NTRK2: variants seen among roughly 807,000 people sequenced by gnomAD.
The protein encoded by NTRK2 is neurotrophic receptor tyrosine kinase 2.
Under a neutral mutation model 94.5 loss-of-function variants are expected in NTRK2, and 13 were observed. The ratio of observed to expected loss-of-function variants is 0.14; its 90% confidence interval spans 0.09 to 0.22. The LOEUF (loss-of-function observed/expected upper bound fraction) is 0.22, where lower values mean the gene tolerates loss of function less well. NTRK2 is among the 10% of genes least tolerant of loss of function. NTRK2 has a pLI of 1.00. For missense variants in NTRK2, 639 were observed against 1,071.2 expected (o/e 0.60, Z 5.63); for synonymous variants, 372 against 407.4 (o/e 0.91, Z 1.05).
At chr9:84,748,923 G>T (rs1238882030) in intron 11 of NTRK2, among the ~76,000 whole-genome samples, 1 of 152,112 alleles carries the variant, frequency 6.6e-6, no homozygotes, top group African/African-American at 2.4e-5. Context: ...TTGTATATAG[G>T]CTGCAGAGAC....
intron 12 of NTRK2, among the ~76,000 whole-genome samples, chr9:84,833,825 T>A (rs774699232): frequency 1.3e-5 from 2 of 152,156 alleles, no homozygotes; most frequent in Admixed American, 6.6e-5. Flanking sequence ...GAGCACTTTT[T>A]AAAAACCCAG....
rs199779947 is a variant in NTRK2 at position 84,752,094 on chromosome 9, G to C, written c.1396+9G>C. 6.2e-7 allele frequency: 1 copy of C among 1,608,320 alleles called. No individual in the cohort carries two copies. Among genetic ancestry groups the C allele is most frequent in the African/African-American group, 1.3e-5 (1 of 74,898 alleles). On this transcript the variant is annotated intron_variant, in intron 12 of 18. Coordinates refer to ENST00000277120, the MANE Select transcript of NTRK2 (RefSeq NM_006180.6). ...CAAGTTTGGCATGAAAGGTAAGAAG[G>C]GTTGTGTTTATTTAGCTTCTTATGT...
rs145872273 is a variant in NTRK2 at position 84,813,801 on chromosome 9, G to A, written c.1397-47239G>A. The stretch of plus-strand genomic sequence containing the variant: ...ATGTCTCTTGGCCCAGTCAGGTGCT[G>A]CCAGGTTTAGATAGGAAAGTACATG... On this transcript the variant is annotated intron_variant, in intron 12 of 18. Transcript: ENST00000277120. The A allele has an allele frequency of 1.7e-5, 18 of 1,065,784 alleles. No homozygotes were observed. The African/African-American group carries it at 2.3e-4, about 14-fold the overall frequency. The allele number at this position is 1,065,784 out of a possible 1,614,324, so 66.0% of individuals were successfully genotyped here.
At chr9:85,018,229 T>C (rs759072809) in intron 17 of NTRK2, among the ~76,000 whole-genome samples, 2 of 152,084 alleles carry the variant, frequency 1.3e-5, no homozygotes, top group Non-Finnish European at 2.9e-5. Flanking sequence ...TTCTTTATGG[T>C]TTGCTCACAC....
intron 6 of NTRK2, among the ~76,000 whole-genome samples, chr9:84,713,783 T>G (rs2061547985): frequency 6.6e-6 from 1 of 152,140 alleles, no homozygotes; most frequent in African/African-American, 2.4e-5. Context: ...TTGCTCTTTC[T>G]AGGTAAACTG....
At chr9:84,677,544 T>C (rs887360971) in intron 2 of NTRK2, among the ~76,000 whole-genome samples, 1 of 152,130 alleles carries the variant, frequency 6.6e-6, no homozygotes, top group African/African-American at 2.4e-5. Flanking sequence ...ACAGCCTCAC[T>C]CTGAAGAAGG....
chr9:84,888,954 C>G (rs1039620957), intron 14 of NTRK2, among the ~76,000 whole-genome samples: 1 of 139,142 alleles, frequency 7.2e-6, no homozygotes, highest in Non-Finnish European at 1.5e-5. Context: ...CATTGGCGAA[C>G]TTTCCCCATT....
At chr9:84,949,768 G>A (rs2132906295) in intron 16 of NTRK2, among the ~76,000 whole-genome samples, 1 of 152,302 alleles carries the variant, frequency 6.6e-6, no homozygotes, top group East Asian at 1.9e-4. Context: ...ACCTGGCCCT[G>A]ATTGGGTTTT....
At chr9:84,741,589 G>A (rs1440388907) in intron 9 of NTRK2, among the ~76,000 whole-genome samples, 1 of 152,136 alleles carries the variant, frequency 6.6e-6, no homozygotes, top group Non-Finnish European at 1.5e-5. Flanking sequence ...AAGAGAAACA[G>A]TACCAAAAGA....
chr9:84,997,253 C>T (rs776025413), intron 17 of NTRK2, among the ~76,000 whole-genome samples: 7 of 152,064 alleles, frequency 4.6e-5, no homozygotes, highest in Non-Finnish European at 8.8e-5. Context: ...GGGACTGGCC[C>T]GGGGCAAAGC....
At chr9:84,810,313 A>G (rs2071627224) in intron 12 of NTRK2, among the ~76,000 whole-genome samples, 1 of 152,214 alleles carries the variant, frequency 6.6e-6, no homozygotes, top group Admixed American at 6.5e-5. Context: ...TGTACCATGT[A>G]AAATCAGTTT....
intron 12 of NTRK2, among the ~76,000 whole-genome samples, chr9:84,859,411 A>C (rs1225120207): frequency 1.1e-4 from 16 of 152,226 alleles, no homozygotes; most frequent in Admixed American, 7.9e-4. Context: ...TGTATTGAGA[A>C]CCTTCACAAT....
At chr9:84,798,000 C>G (rs1239561546) in intron 12 of NTRK2, among the ~76,000 whole-genome samples, 1 of 148,452 alleles carries the variant, frequency 6.7e-6, no homozygotes, top group East Asian at 2.0e-4. Flanking sequence ...GCCATTGGGA[C>G]TGTCTTAGTC....
chr9:84,880,214 T>C (rs925489257), intron 14 of NTRK2, among the ~76,000 whole-genome samples: 2 of 152,180 alleles, frequency 1.3e-5, no homozygotes, highest in Admixed American at 1.3e-4. Flanking sequence ...GAACTTGATA[T>C]CCAAGAAAAG....
At chr9:84,933,797 G>A (rs1329971734) in intron 14 of NTRK2, among the ~76,000 whole-genome samples, 3 of 152,182 alleles carry the variant, frequency 2.0e-5, no homozygotes, top group Non-Finnish European at 4.4e-5. Context: ...TGCCCTGCTG[G>A]ACACACTGCT....
chr9:84,806,649 C>A (rs556472244), intron 12 of NTRK2, among the ~76,000 whole-genome samples: 160 of 152,242 alleles, frequency 1.1e-3, no homozygotes, highest in African/African-American at 3.6e-3. Context: ...GTGAGTTGAG[C>A]CAGTTATCTA....
intron 2 of NTRK2, among the ~76,000 whole-genome samples, chr9:84,688,364 G>A (rs2059844504): frequency 6.6e-6 from 1 of 152,190 alleles, no homozygotes; most frequent in Non-Finnish European, 1.5e-5. Flanking sequence ...CTCTGGATCA[G>A]GGCAAGTGCA....
chr9:84,751,302 G>A (rs1021819384), intron 11 of NTRK2, among the ~76,000 whole-genome samples: 10 of 152,208 alleles, frequency 6.6e-5, no homozygotes, highest in Non-Finnish European at 1.3e-4. Flanking sequence ...TTATCGGGCT[G>A]GATGCGGTGG....
chr9:84,890,137 G>T (rs980782860), intron 14 of NTRK2, among the ~76,000 whole-genome samples: 1 of 152,158 alleles, frequency 6.6e-6, no homozygotes, highest in Non-Finnish European at 1.5e-5. Context: ...ATGAGGCTTG[G>T]CATGTTGTAG....
Sources: gnomAD v4.1 joint callset for allele counts (sites outside exome capture counted in the v4.1 genomes callset) on GRCh38, gnomAD v4.1.1 for gene constraint, MANE v1.5 for transcripts, NCBI Gene and HGNC (gene_info 2026-07-23, HGNC 2026-07-21) for gene names.